Variants in NIN observed in about 807,000 individuals in gnomAD.
The protein encoded by NIN is glycogen synthase kinase 3 beta-interacting protein.
In NIN, 137 loss-of-function variants were observed where a neutral mutation model predicts 257.6. The observed-to-expected ratio is 0.53, with a 90% CI of 0.46 to 0.61. The LOEUF (loss-of-function observed/expected upper bound fraction) is 0.61. NIN is among the 20% of genes least tolerant of loss of function. The pLI is 0.00. For synonymous variants in NIN, 918 were observed against 919.8 expected, an observed-to-expected ratio of 1.00 and a Z score of 0.04; for missense variants, 2,439 against 2,501.2, an observed-to-expected ratio of 0.98 and a Z score of 0.53.
intron 12 of NIN, among the ~76,000 whole-genome samples, chr14:50,768,052 AACACACACAC>A (rs61028485): frequency 0.021 from 2,883 of 139,018 alleles, 94 homozygotes; most frequent in African/African-American, 0.062. Flanking sequence ...CACATTTGCC[AACACACACAC>A]ACACACACAC....
intron 4 of NIN, among the ~76,000 whole-genome samples, chr14:50,803,400 T>C (rs1042854953): frequency 2.2e-4 from 34 of 152,138 alleles, no homozygotes; most frequent in Non-Finnish European, 4.1e-4. Flanking sequence ...TGGTATAAGA[T>C]GAACTAAGCA....
At chr14:50,810,971 C>G (rs1358586150) in intron 3 of NIN, among the ~76,000 whole-genome samples, 1 of 151,562 alleles carries the variant, frequency 6.6e-6, no homozygotes, top group Non-Finnish European at 1.5e-5. Context: ...CTTTAAAACT[C>G]TACTAAAAAC....
chr14:50,805,636 T>C (rs1013307501), intron 4 of NIN, among the ~76,000 whole-genome samples: 8 of 152,302 alleles, frequency 5.3e-5, no homozygotes, highest in East Asian at 1.9e-4. Context: ...CCTAAATAGG[T>C]CACAGTGAAT....
intron 7 of NIN, among the ~76,000 whole-genome samples, chr14:50,774,660 T>C (rs962547968): frequency 2.0e-5 from 3 of 152,208 alleles, no homozygotes; most frequent in African/African-American, 7.2e-5. Context: ...TCCAGGTGTG[T>C]TGACTGAAGT....
chr14:50,789,241 G>A (rs945888390), intron 5 of NIN, among the ~76,000 whole-genome samples: 2 of 152,148 alleles, frequency 1.3e-5, no homozygotes, highest in African/African-American at 4.8e-5. Flanking sequence ...AGGGCTTCCA[G>A]CAACCAAAAG....
At chr14:50,742,150 A>C (rs528772875) in intron 24 of NIN, 1 of 154,390 alleles carries the variant, frequency 6.5e-6, no homozygotes, top group East Asian at 1.9e-4. Context: ...ATGGTGGCCC[A>C]CACCAGGAAT....
At chr14:50,783,651 G>A (rs1473628328) in intron 5 of NIN, among the ~76,000 whole-genome samples, 2 of 151,968 alleles carry the variant, frequency 1.3e-5, no homozygotes, top group Non-Finnish European at 2.9e-5. Flanking sequence ...GCTATTTCAG[G>A]GGGGTGGGTG....
chr14:50,759,064 T>C (rs1408775584), intron 17 of NIN, among the ~76,000 whole-genome samples: 1 of 152,246 alleles, frequency 6.6e-6, no homozygotes. Context: ...CATTCTGCTT[T>C]TGCTTCTTAC....
chr14:50,823,004 G>A (rs12435039), intron 2 of NIN, among the ~76,000 whole-genome samples: 7,429 of 152,108 alleles, frequency 0.049, 182 homozygotes, highest in Middle Eastern at 0.071. Context: ...CCTGTGTTCC[G>A]TCTCTCTCAC....
intron 18 of NIN, among the ~76,000 whole-genome samples, chr14:50,756,118 C>G (rs757158663): frequency 6.7e-6 from 1 of 150,360 alleles, no homozygotes; most frequent in Non-Finnish European, 1.5e-5. Flanking sequence ...TTGTATATAA[C>G]ATGTTTCCTC....
At chr14:50,756,118 C>CA (rs2042014852) in intron 18 of NIN, among the ~76,000 whole-genome samples, 1 of 150,360 alleles carries the variant, frequency 6.7e-6, no homozygotes, top group African/African-American at 2.5e-5. Flanking sequence ...TTGTATATAA[C>CA]ATGTTTCCTC....
chr14:50,750,812 G>A (rs1329122381), intron 21 of NIN, among the ~76,000 whole-genome samples: 2 of 152,152 alleles, frequency 1.3e-5, no homozygotes, highest in African/African-American at 2.4e-5. Context: ...ATGGTTCTAA[G>A]AGTCAGAGCT....
In NIN at chr14:50,719,956, T is replaced by A. The variant is rs930481593; in HGVS notation, c.*3507A>T. 4.6e-6 allele frequency: 1 copy of A among 215,136 alleles called. No individual in the cohort carries two copies. 13.3% of individuals were successfully genotyped at this position (215,136 alleles called of 1,614,324 possible). On this transcript the variant is annotated 3_prime_UTR_variant, in exon 31 of 31. Transcript: ENST00000530997. ...ATCTGAACAGAAACATAGAGATGGCTTTAGATAATCTGTTTTTCCTTCACA... is the reference window on the plus strand; with the variant it reads ...ATCTGAACAGAAACATAGAGATGGCATTAGATAATCTGTTTTTCCTTCACA...
At chr14:50,746,257 A>C (rs2041532808) in intron 22 of NIN, among the ~76,000 whole-genome samples, 1 of 152,188 alleles carries the variant, frequency 6.6e-6, no homozygotes, top group South Asian at 2.1e-4. Flanking sequence ...GTTAATTAGG[A>C]TAAAGTTGGT....
chr14:50,825,174 T>C (rs1029030381), intron 2 of NIN, among the ~76,000 whole-genome samples: 3 of 152,124 alleles, frequency 2.0e-5, no homozygotes, highest in African/African-American at 4.8e-5. Flanking sequence ...ACCAAAAGAA[T>C]ACCTGCAGCT....
chr14:50,730,930 C>T, intron 28 of NIN: 3 of 1,346,800 alleles, frequency 2.2e-6, no homozygotes, highest in Non-Finnish European at 2.0e-6. Flanking sequence ...TACCTTCACA[C>T]ACTATCTCAG....
At chr14:50,734,594 T>TA (rs1391649570) in intron 28 of NIN, among the ~76,000 whole-genome samples, 1 of 152,224 alleles carries the variant, frequency 6.6e-6, no homozygotes, top group Non-Finnish European at 1.5e-5. Context: ...TTATATCCTA[T>TA]AATTAAACTC....
At chr14:50,734,889 T>A (rs2040902288) in intron 28 of NIN, among the ~76,000 whole-genome samples, 1 of 151,582 alleles carries the variant, frequency 6.6e-6, no homozygotes, top group Non-Finnish European at 1.5e-5. Context: ...TTTCGCCATG[T>A]TGCCCAGGCT....
chr14:50,762,876 G>A (rs1301796011), intron 15 of NIN, among the ~76,000 whole-genome samples: 1 of 152,152 alleles, frequency 6.6e-6, no homozygotes, highest in African/African-American at 2.4e-5. Context: ...ATTCCCAAAT[G>A]AGAAGTAACA....
Sources: allele counts gnomAD v4.1 joint callset (sites outside exome capture counted in the v4.1 genomes callset), GRCh38; gene constraint gnomAD v4.1.1; transcripts MANE v1.5; gene names NCBI Gene and HGNC (gene_info 2026-07-23, HGNC 2026-07-21).